Variants in TCEA1 observed in about 807,000 individuals in gnomAD.
The protein encoded by TCEA1 is transcription elongation factor A protein 1.
Under a neutral mutation model 43.8 loss-of-function variants are expected in TCEA1, and 21 were observed. The observed-to-expected ratio is 0.48, with a 90% CI of 0.34 to 0.69. The LOEUF (loss-of-function observed/expected upper bound fraction) is 0.69, where lower values mean the gene tolerates loss of function less well. Among genes scored for constraint, TCEA1 ranks in the 30% least tolerant of loss-of-function variants. TCEA1 has a pLI of 0.01. For synonymous variants in TCEA1, 104 were observed against 117.5 expected, an observed-to-expected ratio of 0.88 and a Z score of 0.75; for missense variants, 250 against 365.1, an observed-to-expected ratio of 0.68 and a Z score of 2.57.
intron 2 of TCEA1, 35 bp downstream of exon 2, chr8:54,010,395 C>T (rs1361794588): frequency 1.3e-6 from 2 of 1,527,310 alleles, no homozygotes; most frequent in Non-Finnish European, 1.8e-6. Context: ...TGACGACTAC[C>T]TATTAAAAAA....
rs1304709527 is a variant in TCEA1 at position 53,990,198 on chromosome 8, C to CA, written c.321-1940dup. ...GGGTAAAAGAGCAAGACTCTGTCTC[C>CA]AAAAAAAAAAAATAATCCAACAAAC... On this transcript the variant is annotated intron_variant, in intron 4 of 9. Coordinates refer to ENST00000521604, the MANE Select transcript of TCEA1 (RefSeq NM_006756.4). Among the ~76,000 whole-genome samples the CA allele has an allele frequency of 6.3e-3, 828 of 130,956 alleles. 3 individuals carry two copies. The highest frequency in any genetic ancestry group is 0.018 in the African/African-American group (655 of 35,790). The allele number at this position is 130,956 out of a possible 152,430, so 85.9% of individuals were successfully genotyped here.
chr8:53,970,470 C>A lies in TCEA1; in HGVS notation c.826-7G>T. On this transcript the variant is annotated splice_region_variant and splice_polypyrimidine_tract_variant and intron_variant, in intron 8 of 9. Transcript: ENST00000521604. Reference sequence around the variant, plus strand: ...CAGCACTACGGGTTTGTACCTGCAGCAAAATTAAATTAAATGTACTTTTTG... The same window carrying A: ...CAGCACTACGGGTTTGTACCTGCAGAAAAATTAAATTAAATGTACTTTTTG... The A allele has an allele frequency of 6.3e-7, 1 of 1,589,240 alleles. No homozygotes were observed. Among genetic ancestry groups the A allele is most frequent in the Non-Finnish European group, 8.6e-7 (1 of 1,164,158 alleles).
At chr8:54,002,422 T>C (rs563681539) in intron 2 of TCEA1, among the ~76,000 whole-genome samples, 7 of 151,262 alleles carry the variant, frequency 4.6e-5, no homozygotes, top group Admixed American at 4.6e-4. Flanking sequence ...TGAGCCGAGA[T>C]TGCACCACTG....
At chr8:53,999,848 A>T in intron 3 of TCEA1, 97 bp downstream of exon 3, 1 of 857,476 alleles carries the variant, frequency 1.2e-6, no homozygotes, top group South Asian at 1.6e-5. Context: ...ATTCACTAAG[A>T]AAAAAATGTA....
chr8:53,987,084 TA>T, intron 5 of TCEA1, 59 bp from the exon 6 acceptor site: 1 of 1,357,168 alleles, frequency 7.4e-7, no homozygotes, highest in Non-Finnish European at 1.0e-6. Context: ...AAAATTCTAA[TA>T]CCAGGTAATT....
chr8:53,995,779 T>C (rs1468596882), intron 3 of TCEA1, among the ~76,000 whole-genome samples: 1 of 152,196 alleles, frequency 6.6e-6, no homozygotes, highest in Non-Finnish European at 1.5e-5. Context: ...AACTCTAATA[T>C]ATAGTTGTCT....
At chr8:53,981,933 T>TC (rs1563473337) in intron 7 of TCEA1, among the ~76,000 whole-genome samples, 3 of 150,234 alleles carry the variant, frequency 2.0e-5, no homozygotes, top group Admixed American at 6.6e-5. Flanking sequence ...TTTTCTTTTT[T>TC]TTTTTTTTTT....
chr8:53,979,441 G>A (rs1260519904), intron 7 of TCEA1, among the ~76,000 whole-genome samples: 1 of 152,216 alleles, frequency 6.6e-6, no homozygotes, highest in Non-Finnish European at 1.5e-5. Flanking sequence ...TTATGACAGT[G>A]AGAGAAATTG....
intron 8 of TCEA1, among the ~76,000 whole-genome samples, chr8:53,974,886 A>G (rs980796015): frequency 2.6e-5 from 4 of 152,036 alleles, no homozygotes; most frequent in African/African-American, 7.2e-5. Context: ...AGCAGTATCT[A>G]CGCTTGTTTG....
chr8:53,990,365 T>C (rs113104375), intron 4 of TCEA1, among the ~76,000 whole-genome samples: 18,275 of 150,082 alleles, frequency 0.12, 3,020 homozygotes, highest in African/African-American at 0.38. Flanking sequence ...CTTTTCTTTT[T>C]TTTTTTTTTT....
chr8:54,004,935 C>T (rs1804392166), intron 2 of TCEA1, among the ~76,000 whole-genome samples: 2 of 152,132 alleles, frequency 1.3e-5, no homozygotes, highest in South Asian at 4.1e-4. Flanking sequence ...AATTAATCTA[C>T]TATATATAAA....
chr8:53,981,876 C>T (rs1185073417), intron 7 of TCEA1, among the ~76,000 whole-genome samples: 3 of 151,600 alleles, frequency 2.0e-5, no homozygotes, highest in Middle Eastern at 3.2e-3. Flanking sequence ...CCTCAGCCTC[C>T]TGAGTAGCTG....
chr8:53,985,844 T>C (rs1168241571), intron 6 of TCEA1, among the ~76,000 whole-genome samples: 1 of 152,242 alleles, frequency 6.6e-6, no homozygotes, highest in Non-Finnish European at 1.5e-5. Context: ...TTCACATTTA[T>C]ATGTGTGTGC....
At chr8:53,970,760 C>T (rs1803133017) in intron 8 of TCEA1, among the ~76,000 whole-genome samples, 1 of 152,042 alleles carries the variant, frequency 6.6e-6, no homozygotes, top group East Asian at 1.9e-4. Flanking sequence ...TTTAAAAATT[C>T]ATCAGTAAGT....
Position 53,970,483 on chromosome 8 carries a change from AATGTAC to A in TCEA1, c.826-26_826-21del, listed in dbSNP as rs1231920309. On this transcript the variant is annotated intron_variant, in intron 8 of 9. Coordinates refer to ENST00000521604, the MANE Select transcript of TCEA1 (RefSeq NM_006756.4). The stretch of plus-strand genomic sequence containing the variant: ...TTGTACCTGCAGCAAAATTAAATTA[AATGTAC>A]TTTTTGCAGTACTATTAAAAAACCC... The A allele has an allele frequency of 1.3e-6, 2 of 1,553,064 alleles. No individual in the cohort carries two copies. The highest frequency in any genetic ancestry group is 1.8e-6 in the Non-Finnish European group (2 of 1,133,216).
intron 2 of TCEA1, among the ~76,000 whole-genome samples, chr8:54,002,241 G>A (rs1447855531): frequency 2.6e-5 from 4 of 151,984 alleles, no homozygotes; most frequent in African/African-American, 9.7e-5. Context: ...GGAGGCCGAG[G>A]TGGGTGGATC....
At chr8:53,996,636 G>C (rs768354322) in intron 3 of TCEA1, among the ~76,000 whole-genome samples, 4 of 151,996 alleles carry the variant, frequency 2.6e-5, no homozygotes, top group Non-Finnish European at 5.9e-5. Flanking sequence ...CTAACAACTG[G>C]CAAGTGATCA....
intron 1 of TCEA1, among the ~76,000 whole-genome samples, chr8:54,018,125 GT>G (rs1372375488): frequency 6.6e-6 from 1 of 152,164 alleles, no homozygotes; most frequent in African/African-American, 2.4e-5. Flanking sequence ...AGATATCAAA[GT>G]TTTGTTGCAG....
intron 9 of TCEA1, among the ~76,000 whole-genome samples, chr8:53,969,954 G>C (rs1004124877): frequency 6.6e-6 from 1 of 152,056 alleles, no homozygotes; most frequent in Non-Finnish European, 1.5e-5. Context: ...CCAAATGACA[G>C]CAGTGCTCAT....
Sources: allele counts gnomAD v4.1 joint callset (sites outside exome capture counted in the v4.1 genomes callset), GRCh38; gene constraint gnomAD v4.1.1; transcripts MANE v1.5; gene names NCBI Gene and HGNC (gene_info 2026-07-23, HGNC 2026-07-21).